BMPR1B: variants seen among roughly 807,000 people sequenced by gnomAD.
The protein encoded by BMPR1B is bone morphogenetic protein receptor type-1B.
BMPR1B carries 12 observed loss-of-function variants against 59.1 expected under a neutral mutation model. The observed-to-expected ratio is 0.20, with a 90% CI of 0.13 to 0.33. The LOEUF is 0.33. BMPR1B is among the 10% of genes least tolerant of loss of function. The probability of loss-of-function intolerance (pLI) is 1.00; values close to 1 mark genes in which losing one functional copy is unlikely to be tolerated. For missense variants in BMPR1B, 550 were observed against 610.9 expected (o/e 0.90, Z 1.05); for synonymous variants, 237 against 207.3 (o/e 1.14, Z -1.23).
At chr4:94,885,865 A>G (rs1310194605) in intron 2 of BMPR1B, among the ~76,000 whole-genome samples, 1 of 152,214 alleles carries the variant, frequency 6.6e-6, no homozygotes, top group African/African-American at 2.4e-5. Flanking sequence ...CTGGTCACAC[A>G]ATCCTGGAAA....
intron 3 of BMPR1B, among the ~76,000 whole-genome samples, chr4:95,032,064 C>T (rs988088363): frequency 1.3e-5 from 2 of 152,124 alleles, no homozygotes; most frequent in African/African-American, 4.8e-5. Context: ...AACTCTTAGT[C>T]TACTCAGGTT....
chr4:94,930,551 A>G (rs138163847), intron 2 of BMPR1B, among the ~76,000 whole-genome samples: 271 of 152,278 alleles, frequency 1.8e-3, no homozygotes, highest in African/African-American at 6.0e-3. Context: ...ATAAGGATTT[A>G]GTATAGGGCT....
chr4:94,834,615 A>G (rs1476929233), intron 1 of BMPR1B, among the ~76,000 whole-genome samples: 1 of 151,112 alleles, frequency 6.6e-6, no homozygotes, highest in African/African-American at 2.4e-5. Flanking sequence ...AAAGACATTA[A>G]ACTCCTGTTT....
chr4:94,931,084 T>C (rs191616891), intron 2 of BMPR1B, among the ~76,000 whole-genome samples: 272 of 152,254 alleles, frequency 1.8e-3, no homozygotes, highest in African/African-American at 6.0e-3. Flanking sequence ...TACTATTGAA[T>C]AGGGTTTTGC....
rs1461587907 is a variant in BMPR1B, at chr4:94,798,006, GTATT to G, written c.-183+39945_-183+39948del. Among the ~76,000 whole-genome samples the G allele has an allele frequency of 2.0e-5, 3 of 152,198 alleles. No homozygotes were observed. The East Asian group carries it at 5.8e-4, about 29-fold the overall frequency. ...AATGCACTGTTTCTTCATCGTAATA[GTATT>G]TATTTAATATTTAAGATCTACCATT... On this transcript the variant is annotated intron_variant, in intron 1 of 12. Transcript: ENST00000515059.
chr4:94,771,050 G>A (rs1192518630), intron 1 of BMPR1B, among the ~76,000 whole-genome samples: 1 of 152,128 alleles, frequency 6.6e-6, no homozygotes, highest in African/African-American at 2.4e-5. Flanking sequence ...GAGGGGCTGT[G>A]GATAAAAGAG....
rs1169526444 is a variant in BMPR1B, at chr4:95,154,724, G to A, written c.*51G>A. 8 of 1,608,480 alleles carry A rather than the reference G, an allele frequency of 5.0e-6. No homozygotes were observed. The highest frequency in any genetic ancestry group is 5.1e-6 in the Non-Finnish European group (6 of 1,175,528). On this transcript the variant is annotated 3_prime_UTR_variant, in exon 13 of 13. Coordinates refer to ENST00000515059, the MANE Select transcript of BMPR1B (RefSeq NM_001203.3). Reference sequence around the variant, plus strand: ...GCAGAAAGCCAACAGGTACTCTTCTGTTTGTGGGCAGAGCAAAAGACATCA... The same window carrying A: ...GCAGAAAGCCAACAGGTACTCTTCTATTTGTGGGCAGAGCAAAAGACATCA...
intron 2 of BMPR1B, among the ~76,000 whole-genome samples, chr4:94,988,130 G>A (rs1249207542): frequency 6.6e-6 from 1 of 151,912 alleles, no homozygotes; most frequent in African/African-American, 2.4e-5. Flanking sequence ...TTTTTAAAAA[G>A]TAGAAAATGC....
chr4:95,141,556 T>C (rs1734231250), intron 10 of BMPR1B, among the ~76,000 whole-genome samples: 1 of 152,176 alleles, frequency 6.6e-6, no homozygotes, highest in Non-Finnish European at 1.5e-5. Context: ...GACAGTGACG[T>C]AAGTGCCGAT....
rs1014711958 is a variant in BMPR1B, at chr4:95,075,576, A to T, written c.-17-28832A>T. Reference sequence around the variant, plus strand: ...TATAATTCTTACCCATATAGTCCTCAGTTTGGAGTAGAAAGACTTTGTAGA... The same window carrying T: ...TATAATTCTTACCCATATAGTCCTCTGTTTGGAGTAGAAAGACTTTGTAGA... On this transcript the variant is annotated intron_variant, in intron 3 of 12. Transcript: ENST00000515059. Among the ~76,000 whole-genome samples the T allele has an allele frequency of 3.3e-5, 5 of 152,296 alleles. No individual in the cohort carries two copies. In the South Asian group the frequency reaches 1.0e-3, roughly 32 times the overall value.
intron 10 of BMPR1B, among the ~76,000 whole-genome samples, chr4:95,145,076 A>G (rs1262832189): frequency 1.3e-5 from 2 of 152,208 alleles, no homozygotes; most frequent in East Asian, 3.8e-4. Flanking sequence ...TGAGACACCC[A>G]TGTAATATGA....
At chr4:95,129,564 C>G (rs1360214462) in intron 8 of BMPR1B, among the ~76,000 whole-genome samples, 1 of 152,200 alleles carries the variant, frequency 6.6e-6, no homozygotes, top group East Asian at 1.9e-4. Flanking sequence ...GTATTCTACT[C>G]TGCTGATTAC....
intron 8 of BMPR1B, among the ~76,000 whole-genome samples, chr4:95,127,919 C>G (rs1733021975): frequency 6.6e-6 from 1 of 151,408 alleles, no homozygotes; most frequent in African/African-American, 2.4e-5. Flanking sequence ...AGGTCTTACT[C>G]TGTCACTTAG....
intron 1 of BMPR1B, among the ~76,000 whole-genome samples, chr4:94,863,024 G>A (rs768989820): frequency 6.6e-5 from 10 of 151,712 alleles, no homozygotes; most frequent in Non-Finnish European, 1.0e-4. Context: ...AGGCTGAGGC[G>A]GAAGAATCGC....
At chr4:95,113,598 T>G (rs1015562836) in intron 4 of BMPR1B, among the ~76,000 whole-genome samples, 4 of 152,206 alleles carry the variant, frequency 2.6e-5, no homozygotes, top group Admixed American at 1.3e-4. Flanking sequence ...AGATATAGTT[T>G]AGTACTTTAT....
intron 1 of BMPR1B, among the ~76,000 whole-genome samples, chr4:94,785,799 A>G (rs1722744096): frequency 6.6e-6 from 1 of 152,164 alleles, no homozygotes; most frequent in Admixed American, 6.5e-5. Flanking sequence ...GCTTTGATAG[A>G]GAAATAGTAG....
chr4:95,107,564 T>C (rs1359602192), intron 4 of BMPR1B, among the ~76,000 whole-genome samples: 1 of 152,088 alleles, frequency 6.6e-6, no homozygotes, highest in African/African-American at 2.4e-5. Context: ...AAAACTAATA[T>C]TTATTGAATT....
intron 3 of BMPR1B, among the ~76,000 whole-genome samples, chr4:95,011,893 C>T (rs1354940699): frequency 6.6e-6 from 1 of 152,006 alleles, no homozygotes; most frequent in African/African-American, 2.4e-5. Context: ...GTGGCACACA[C>T]CTGTCTTCTG....
At chr4:94,775,847 G>A (rs933236528) in intron 1 of BMPR1B, among the ~76,000 whole-genome samples, 4 of 152,136 alleles carry the variant, frequency 2.6e-5, no homozygotes, top group Admixed American at 6.5e-5. Context: ...ATCCCAGCAC[G>A]CTGGGAGGCG....
Sources: allele counts gnomAD v4.1 joint callset (sites outside exome capture counted in the v4.1 genomes callset), GRCh38; gene constraint gnomAD v4.1.1; transcripts MANE v1.5; gene names NCBI Gene and HGNC (gene_info 2026-07-23, HGNC 2026-07-21).